Variants in GRB2 observed in about 807,000 individuals in gnomAD.
GRB2 encodes the protein growth factor receptor bound protein 2, also known as growth factor receptor-bound protein 2.
GRB2 carries 2 observed loss-of-function variants against 27.4 expected under a neutral mutation model. That is an observed-to-expected ratio of 0.07 (90% CI 0.03 to 0.23). GRB2 has a LOEUF of 0.23. Among genes scored for constraint, GRB2 ranks in the 10% least tolerant of loss-of-function variants. GRB2 has a pLI of 1.00. For synonymous variants in GRB2, 94 were observed against 99.6 expected (o/e 0.94, Z 0.33); for missense variants, 102 against 282.4 (o/e 0.36, Z 4.58).
At position 75,365,706 on chromosome 17, in the gene GRB2, A is replaced by C. The variant is rs557896123; in HGVS notation, c.78+27845T>G. Reference sequence around the variant, plus strand: ...GATAGAAAGAAAATGAGTGAAAGAAAAAAAACCGCCAGTACAATGAGTCAT... The same window carrying C: ...GATAGAAAGAAAATGAGTGAAAGAACAAAAACCGCCAGTACAATGAGTCAT... On this transcript the variant is annotated intron_variant, in intron 2 of 5. Transcript: ENST00000316804. Among the ~76,000 whole-genome samples the C allele has an allele frequency of 5.3e-5, 8 of 152,356 alleles. No individual in the cohort carries two copies. In the South Asian group the frequency reaches 1.7e-3, roughly 32 times the overall value.
intron 1 of GRB2, among the ~76,000 whole-genome samples, chr17:75,395,983 A>G (rs1053435826): frequency 6.6e-6 from 1 of 151,794 alleles, no homozygotes; most frequent in African/African-American, 2.4e-5. Context: ...GACTACAGGC[A>G]TGTGCCAACA....
Position 75,320,377 on chromosome 17 carries a change from C to G in GRB2, c.645G>C (p.Arg215=), listed in dbSNP as rs1255202433. 6.2e-7 allele frequency: 1 copy of G among 1,613,592 alleles called. No individual in the cohort carries two copies. Among genetic ancestry groups the G allele is most frequent in the Non-Finnish European group, 8.5e-7 (1 of 1,179,648 alleles). Residue 215 remains arginine, a synonymous_variant, in exon 6 of 6, where the codon CGG becomes CGC. Coordinates refer to ENST00000316804, the MANE Select transcript of GRB2 (RefSeq NM_002086.5). This position sits in a 1 kb window ranked among gnomAD's most constrained non-coding sequence, Gnocchi z 4.3. ...FPRNYVTPVN[R]NV ...AATTGCTTCTTGACTCTTAGACGTT[C>G]CGGTTCACGGGGGTGACATAATTGC...
chr17:75,380,317 T>A (rs2078919931), intron 2 of GRB2, among the ~76,000 whole-genome samples: 1 of 150,964 alleles, frequency 6.6e-6, no homozygotes. Flanking sequence ...TTTACTGCTT[T>A]TTCTGATTAC....
chr17:75,340,439 T>G (rs1241457084), intron 2 of GRB2, among the ~76,000 whole-genome samples: 1 of 152,198 alleles, frequency 6.6e-6, no homozygotes, highest in East Asian at 1.9e-4. Context: ...GATACTGAAA[T>G]ACTGCCATGA....
At chr17:75,321,169 CTTTTTTTTT>C (rs61287852) in intron 5 of GRB2, among the ~76,000 whole-genome samples, 72,939 of 120,408 alleles carry the variant, frequency 0.61, 23,752 homozygotes, top group East Asian at 0.85. Flanking sequence ...AACAACAAAT[CTTTTTTTTT>C]TTTTTTTTTT....
chr17:75,361,876 T>TAA (rs36010550), intron 2 of GRB2, among the ~76,000 whole-genome samples: 4 of 142,844 alleles, frequency 2.8e-5, no homozygotes, highest in African/African-American at 1.0e-4. Context: ...GTGTCTTTAT[T>TAA]AAAAAAAAAA....
chr17:75,347,458 C>T (rs1455777137), intron 2 of GRB2, among the ~76,000 whole-genome samples: 1 of 152,140 alleles, frequency 6.6e-6, no homozygotes, highest in Non-Finnish European at 1.5e-5. Context: ...TTTGCATGCC[C>T]ACAAACCATT....
intron 1 of GRB2, among the ~76,000 whole-genome samples, chr17:75,400,604 T>C (rs1446426233): frequency 1.3e-5 from 2 of 152,070 alleles, no homozygotes; most frequent in Admixed American, 6.6e-5. Context: ...GCCTCCCAAG[T>C]AGCTGGGATT....
At chr17:75,334,812 A>C (rs1271379863) in intron 2 of GRB2, among the ~76,000 whole-genome samples, 2 of 151,470 alleles carry the variant, frequency 1.3e-5, no homozygotes, top group Non-Finnish European at 2.9e-5. Flanking sequence ...ATAACAATAT[A>C]CTGTAATAAA....
rs951525690 is a variant in GRB2, at chr17:75,393,673, G to C, written c.-45C>G. ...TCAGCAGCCTGAAGCAGGGGGAAGG[G>C]AGTCTTCCCTGCTGAAGCAACCCAG... On this transcript the variant is annotated 5_prime_UTR_variant, in exon 2 of 6. Transcript: ENST00000316804. 1.3e-5 allele frequency: 20 copies of C among 1,486,680 alleles called. No homozygotes were observed. Among genetic ancestry groups the C allele is most frequent in the Middle Eastern group, 1.9e-4 (1 of 5,332 alleles). The allele number at this position is 1,486,680 out of a possible 1,614,324, so 92.1% of individuals were successfully genotyped here. A position where few individuals can be genotyped will look rare whatever the true frequency, so the allele number is the denominator to read the frequency against.
At chr17:75,393,392 T>C in intron 2 of GRB2, 159 bp downstream of exon 2, 2 of 664,620 alleles carry the variant, frequency 3.0e-6, no homozygotes, top group East Asian at 2.6e-5. Flanking sequence ...TCATATTTAA[T>C]ATTCTACTCA....
At chr17:75,381,221 A>G (rs537524168) in intron 2 of GRB2, among the ~76,000 whole-genome samples, 2 of 152,356 alleles carry the variant, frequency 1.3e-5, no homozygotes, top group African/African-American at 4.8e-5. Context: ...CACTACAATT[A>G]CAGGATTATA....
At chr17:75,330,684 CAAG>C (rs905692729) in intron 3 of GRB2, among the ~76,000 whole-genome samples, 3 of 148,912 alleles carry the variant, frequency 2.0e-5, no homozygotes, top group Non-Finnish European at 3.0e-5. Flanking sequence ...ATAAAAACAA[CAAG>C]AACAACAACA....
chr17:75,377,212 T>C (rs1416656327), intron 2 of GRB2, among the ~76,000 whole-genome samples: 1 of 152,038 alleles, frequency 6.6e-6, no homozygotes, highest in African/African-American at 2.4e-5. Flanking sequence ...TCCCAGCTAC[T>C]GAGGAGACTG....
intron 2 of GRB2, among the ~76,000 whole-genome samples, chr17:75,355,545 GAA>G (rs367781708): frequency 7.7e-6 from 1 of 129,620 alleles, no homozygotes. Context: ...GGCCATACTG[GAA>G]AAAAAAAAAG....
chr17:75,353,844 G>A (rs2078710303), intron 2 of GRB2, among the ~76,000 whole-genome samples: 1 of 151,854 alleles, frequency 6.6e-6, no homozygotes, highest in Admixed American at 6.6e-5. Context: ...TTCAAGACCA[G>A]CCTGGCCAAC....
intron 1 of GRB2, among the ~76,000 whole-genome samples, chr17:75,402,781 A>C (rs1377096070): frequency 6.6e-6 from 1 of 152,198 alleles, no homozygotes; most frequent in African/African-American, 2.4e-5. Flanking sequence ...ATGAAATGAA[A>C]ATAATGCATA....
intron 1 of GRB2, among the ~76,000 whole-genome samples, chr17:75,397,800 T>C (rs2079037429): frequency 6.7e-6 from 1 of 150,082 alleles, no homozygotes; most frequent in Middle Eastern, 3.4e-3. Flanking sequence ...GAGCCCGACA[T>C]GTAATAATCA....
At chr17:75,343,827 G>C (rs1598227598) in intron 2 of GRB2, among the ~76,000 whole-genome samples, 1 of 152,212 alleles carries the variant, frequency 6.6e-6, no homozygotes, top group African/African-American at 2.4e-5. Flanking sequence ...CACGAGCAGG[G>C]AGAAGAAAGG....
Sources: gnomAD v4.1 joint callset for allele counts (sites outside exome capture counted in the v4.1 genomes callset) on GRCh38, gnomAD v4.1.1 for gene constraint, Gnocchi (gnomAD v3.1) non-coding constraint, MANE v1.5 for transcripts, NCBI Gene and HGNC (gene_info 2026-07-23, HGNC 2026-07-21) for gene names.